The following ODAD2 variants were observed in gnomAD, a reference collection of about 807,000 sequenced individuals.
The protein encoded by ODAD2 is outer dynein arm-docking complex subunit 2.
ODAD2 carries 89 observed loss-of-function variants against 106.8 expected under a neutral mutation model. That is an observed-to-expected ratio of 0.83 (90% CI 0.70 to 0.99). ODAD2 has a LOEUF of 0.99. ODAD2 is among the 50% of genes least tolerant of loss of function. The pLI is 0.00. For missense variants in ODAD2, 1,168 were observed against 1,238.5 expected, an observed-to-expected ratio of 0.94 and a Z score of 0.85; for synonymous variants, 404 against 436.2, an observed-to-expected ratio of 0.93 and a Z score of 0.92.
chr10:27,900,697 C>A (rs180917790), intron 17 of ODAD2, among the ~76,000 whole-genome samples: 1 of 151,808 alleles, frequency 6.6e-6, no homozygotes, highest in Admixed American at 6.6e-5. Context: ...ATCGATCAGG[C>A]GGAAGAAAGG....
At chr10:27,862,403 T>C in intron 18 of ODAD2, 31 bp downstream of exon 18, 3 of 1,545,614 alleles carry the variant, frequency 1.9e-6, no homozygotes, top group Non-Finnish European at 2.7e-6. Context: ...CAGGACAATA[T>C]GCATGTAAAA....
chr10:27,945,254 T>C (rs1461331137), intron 10 of ODAD2, among the ~76,000 whole-genome samples: 1 of 152,212 alleles, frequency 6.6e-6, no homozygotes, highest in Admixed American at 6.5e-5. Context: ...GACTGAGGAA[T>C]GCAAGATGTA....
At chr10:27,965,407 G>A (rs138806453) in intron 9 of ODAD2, among the ~76,000 whole-genome samples, 72 of 152,222 alleles carry the variant, frequency 4.7e-4, no homozygotes, top group African/African-American at 1.7e-3. Context: ...TTGGTGCATA[G>A]GGTGAGGATA....
intron 17 of ODAD2, among the ~76,000 whole-genome samples, chr10:27,885,786 T>TA (rs1842153824): frequency 4.6e-5 from 2 of 43,222 alleles, no homozygotes; most frequent in South Asian, 1.3e-3. Context: ...AAATATATAT[T>TA]ATATATAATA....
chr10:27,947,092 T>C (rs1429726445), intron 10 of ODAD2, among the ~76,000 whole-genome samples: 1 of 152,218 alleles, frequency 6.6e-6, no homozygotes, highest in Non-Finnish European at 1.5e-5. Flanking sequence ...TTACAGCTTT[T>C]AGTATCTTTT....
chr10:27,958,971 T>C (rs1847918992), intron 10 of ODAD2: 5 of 1,303,678 alleles, frequency 3.8e-6, no homozygotes, highest in Non-Finnish European at 5.1e-6. Context: ...TGTTTCCTTT[T>C]GCTAATGAAA....
At chr10:27,866,907 T>C (rs987380160) in intron 17 of ODAD2, among the ~76,000 whole-genome samples, 2 of 152,020 alleles carry the variant, frequency 1.3e-5, no homozygotes, top group African/African-American at 4.8e-5. Flanking sequence ...GGGGAAAATA[T>C]CCGAACTATC....
intron 14 of ODAD2, among the ~76,000 whole-genome samples, chr10:27,938,463 T>G (rs1846151769): frequency 6.6e-6 from 1 of 152,152 alleles, no homozygotes; most frequent in Admixed American, 6.5e-5. Context: ...GTCTGAAACG[T>G]CTAGCCTCTG....
chr10:27,930,780 A>G (rs1478771213), intron 16 of ODAD2, among the ~76,000 whole-genome samples: 1 of 152,198 alleles, frequency 6.6e-6, no homozygotes. Context: ...AATCACCTCA[A>G]ATACAATCAC....
At chr10:27,990,616 T>G (rs150835800) in intron 2 of ODAD2, among the ~76,000 whole-genome samples, 2 of 152,248 alleles carry the variant, frequency 1.3e-5, no homozygotes, top group Non-Finnish European at 2.9e-5. Context: ...ACCCTACTAC[T>G]GTGACTTAGA....
rs376143899 is a variant in ODAD2 at position 27,862,603 on chromosome 10, C to T, written c.2630G>A (p.Arg877His). Reference sequence around the variant, plus strand: ...AAGTTCCAAACCACCAACAAAGGAACGAACCATTTCCCCAGCATCCTAGAC... The same window carrying T: ...AAGTTCCAAACCACCAACAAAGGAATGAACCATTTCCCCAGCATCCTAGAC... ...KNAKDAGEMV[R>H]SFVGGLELIV... is the part of the protein sequence containing the mutation. The change falls in exon 18 of 20, where the codon CGT becomes CAT. Residue 877 changes from arginine to histidine, a missense_variant. Transcript: ENST00000305242. The T allele has an allele frequency of 1.2e-4, 185 of 1,605,078 alleles. No individual in the cohort carries two copies. The highest frequency in any genetic ancestry group is 3.3e-4 in the Middle Eastern group (2 of 6,048).
intron 17 of ODAD2, among the ~76,000 whole-genome samples, chr10:27,906,731 G>A (rs950934921): frequency 1.3e-5 from 2 of 152,156 alleles, no homozygotes; most frequent in Non-Finnish European, 2.9e-5. Context: ...GATGAAGCTG[G>A]AAACCATCAT....
intron 4 of ODAD2, 101 bp from the exon 5 acceptor site, chr10:27,984,391 T>C (rs1467793340): frequency 3.7e-6 from 3 of 814,030 alleles, no homozygotes; most frequent in African/African-American, 3.4e-5. Flanking sequence ...TTTTTTGTAA[T>C]TAAAATTGCA....
intron 19 of ODAD2, among the ~76,000 whole-genome samples, chr10:27,824,774 A>G (rs1046926795): frequency 1.3e-5 from 2 of 152,222 alleles, no homozygotes; most frequent in Non-Finnish European, 2.9e-5. Context: ...ATGAGATTGA[A>G]AATCTGTTGG....
intron 17 of ODAD2, among the ~76,000 whole-genome samples, chr10:27,887,082 T>A (rs901767040): frequency 1.3e-5 from 2 of 151,970 alleles, no homozygotes; most frequent in African/African-American, 4.8e-5. Flanking sequence ...AAATGGATTT[T>A]AAAAAAACAA....
chr10:27,950,543 T>C (rs1160028482), intron 10 of ODAD2, among the ~76,000 whole-genome samples: 3 of 152,176 alleles, frequency 2.0e-5, no homozygotes, highest in African/African-American at 7.2e-5. Flanking sequence ...TTATCAGGAA[T>C]GGGTAAGGAC....
intron 19 of ODAD2, among the ~76,000 whole-genome samples, chr10:27,834,075 T>C (rs1177438849): frequency 6.6e-6 from 1 of 152,156 alleles, no homozygotes; most frequent in Non-Finnish European, 1.5e-5. Context: ...AGCTTGGACA[T>C]CCCGGTGTGT....
intron 16 of ODAD2, among the ~76,000 whole-genome samples, chr10:27,914,702 G>T (rs1014929542): frequency 6.7e-6 from 1 of 150,104 alleles, no homozygotes; most frequent in Non-Finnish European, 1.5e-5. Flanking sequence ...ATATATATGT[G>T]TGTGTATATA....
chr10:27,919,841 T>G (rs777637867), intron 16 of ODAD2, among the ~76,000 whole-genome samples: 1 of 152,174 alleles, frequency 6.6e-6, no homozygotes, highest in Non-Finnish European at 1.5e-5. Context: ...TAAACTTTCC[T>G]GGATGAAGGA....
Sources: allele counts gnomAD v4.1 joint callset (sites outside exome capture counted in the v4.1 genomes callset), GRCh38; gene constraint gnomAD v4.1.1; transcripts MANE v1.5; gene names NCBI Gene and HGNC (gene_info 2026-07-23, HGNC 2026-07-21).